Variants in PDE1C observed in about 807,000 individuals in gnomAD.
PDE1C encodes phosphodiesterase 1C.
In PDE1C, 62 loss-of-function variants were observed where a neutral mutation model predicts 93.1. The observed-to-expected ratio is 0.67, with a 90% CI of 0.54 to 0.82. The LOEUF (loss-of-function observed/expected upper bound fraction) is 0.82. PDE1C is among the 40% of genes least tolerant of loss of function. The pLI is 0.00. For missense variants in PDE1C, 742 were observed against 884.6 expected (o/e 0.84, Z 2.04); for synonymous variants, 325 against 310.1 (o/e 1.05, Z -0.50).
chr7:31,771,003 A>C lies in PDE1C; in HGVS notation c.1960+4661T>G, dbSNP rs188606344. Among the ~76,000 whole-genome samples the C allele has an allele frequency of 1.1e-4, 16 of 152,144 alleles. No homozygotes were observed. The East Asian group carries it at 3.1e-3, about 29-fold the overall frequency. On this transcript the variant is annotated intron_variant, in intron 17 of 17. Coordinates refer to ENST00000396191, the MANE Select transcript of PDE1C (RefSeq NM_001191057.4). ...ACTATATGTTTGCTTCCTTTTTTTA[A>C]ATTTCAGATTTTGAACCACTTCTTT... is the stretch of plus-strand genomic sequence containing the variant.
At chr7:32,145,787 T>A (rs1040673599) in intron 3 of PDE1C, among the ~76,000 whole-genome samples, 1 of 152,102 alleles carries the variant, frequency 6.6e-6, no homozygotes, top group Admixed American at 6.6e-5. Context: ...TTACAAACCA[T>A]ATCAGACTGA....
At chr7:31,735,971 C>T in the PDE1C span, among the ~76,000 whole-genome samples, 1 of 152,176 alleles carries the variant, frequency 6.6e-6, no homozygotes, top group Non-Finnish European at 1.5e-5. Context: ...CTCTAGAATA[C>T]TTATAATACC....
intron 7 of PDE1C, among the ~76,000 whole-genome samples, chr7:31,863,334 T>C (rs1375201777): frequency 1.3e-5 from 2 of 152,202 alleles, no homozygotes; most frequent in Non-Finnish European, 2.9e-5. Flanking sequence ...AAAAGGGCTT[T>C]ATTTTCTAAA....
At chr7:31,941,959 A>G (rs1805914013) in intron 2 of PDE1C, among the ~76,000 whole-genome samples, 1 of 152,190 alleles carries the variant, frequency 6.6e-6, no homozygotes, top group African/African-American at 2.4e-5. Flanking sequence ...CTGTAGGGAT[A>G]TTTTTAAGCA....
At chr7:32,297,226 A>G (rs577709047) in intron 1 of PDE1C, among the ~76,000 whole-genome samples, 24 of 152,174 alleles carry the variant, frequency 1.6e-4, no homozygotes, top group Non-Finnish European at 2.9e-4. Flanking sequence ...TATTGAGAAC[A>G]AAAGAGGCCC....
Position 32,275,617 on chromosome 7 carries a change from A to G in PDE1C, c.85+23034T>C, listed in dbSNP as rs538671867. Among the ~76,000 whole-genome samples, 13 of 151,514 alleles carry G rather than the reference A, an allele frequency of 8.6e-5. No homozygotes were observed. In the South Asian group the frequency reaches 1.3e-3, roughly 15 times the overall value. On this transcript the variant is annotated intron_variant, in intron 1 of 18. Coordinates refer to the PDE1C transcript ENST00000396193. ...CCAGCCTCTGTCTAAGACCTCCCCT[A>G]CCTGAAAGTTAGCAGGAACATCAGG...
At chr7:32,088,680 C>G (rs1045792114) in intron 3 of PDE1C, among the ~76,000 whole-genome samples, 2 of 152,294 alleles carry the variant, frequency 1.3e-5, no homozygotes, top group Admixed American at 6.5e-5. Context: ...CCTCTATGCA[C>G]AAGCGGTTCT....
chr7:31,774,697 T>C (rs946739984), intron 17 of PDE1C, among the ~76,000 whole-genome samples: 3 of 152,238 alleles, frequency 2.0e-5, no homozygotes, highest in African/African-American at 7.2e-5. Flanking sequence ...TTTGTTGAAG[T>C]ATTTAATAAC....
At chr7:31,889,694 T>C (rs1054198971) in intron 2 of PDE1C, among the ~76,000 whole-genome samples, 40 of 152,166 alleles carry the variant, frequency 2.6e-4, no homozygotes, top group African/African-American at 9.4e-4. Flanking sequence ...CCAAAGTGAG[T>C]GTGTCAGCTC....
rs544521841 is a variant in PDE1C at position 31,774,052 on chromosome 7, A to G, written c.1960+1612T>C. ...TGACTTGGGTGAGGGAGCTACAGAA[A>G]TTGAAGTTACAAAAGCAGGCAGACA... On this transcript the variant is annotated intron_variant, in intron 17 of 17. Transcript: ENST00000396191. 3.9e-5 allele frequency among the ~76,000 whole-genome samples: 6 copies of G among 152,342 alleles called. No individual in the cohort carries two copies. In the East Asian group the frequency reaches 1.2e-3, roughly 29 times the overall value.
the PDE1C span, chr7:31,707,085 C>T: frequency 2.3e-6 from 2 of 851,232 alleles, no homozygotes; most frequent in Non-Finnish European, 3.6e-6. Context: ...TAGCAGGTAA[C>T]CTTGTAGACA....
chr7:31,906,055 C>T (rs1438561266), intron 2 of PDE1C, among the ~76,000 whole-genome samples: 1 of 152,146 alleles, frequency 6.6e-6, no homozygotes, highest in South Asian at 2.1e-4. Context: ...GTCAATTATA[C>T]CTCTTTCCTT....
intron 16 of PDE1C, among the ~76,000 whole-genome samples, chr7:31,777,359 C>T (rs1024276191): frequency 5.3e-5 from 8 of 151,914 alleles, no homozygotes; most frequent in African/African-American, 1.7e-4. Context: ...GATGGAGTCT[C>T]GCTCTGTTGC....
At chr7:31,988,477 C>A (rs1215865473) in intron 2 of PDE1C, among the ~76,000 whole-genome samples, 2 of 152,258 alleles carry the variant, frequency 1.3e-5, no homozygotes, top group East Asian at 3.8e-4. Flanking sequence ...TCTGCCTTAT[C>A]CTTCAAGAAT....
chr7:31,673,022 CA>C, the PDE1C span, among the ~76,000 whole-genome samples: 4 of 152,180 alleles, frequency 2.6e-5, no homozygotes, highest in African/African-American at 9.6e-5. Flanking sequence ...CTTTGCCTTG[CA>C]CCATGAATGT....
chr7:31,890,109 C>T (rs1304458904), intron 2 of PDE1C, among the ~76,000 whole-genome samples: 1 of 152,142 alleles, frequency 6.6e-6, no homozygotes, highest in African/African-American at 2.4e-5. Context: ...TGAAAACCCA[C>T]TTGTTCTTCT....
intron 1 of PDE1C, among the ~76,000 whole-genome samples, chr7:32,420,148 C>T (rs766467274): frequency 0.014 from 576 of 40,336 alleles, 12 homozygotes; most frequent in Non-Finnish European, 0.019. Flanking sequence ...CACACACACA[C>T]ACACACACAC....
chr7:32,309,134 G>A (rs1813100887), intron 1 of PDE1C, among the ~76,000 whole-genome samples: 1 of 152,306 alleles, frequency 6.6e-6, no homozygotes, highest in South Asian at 2.1e-4. Context: ...CAATCAACTG[G>A]AAGAAAGGAT....
chr7:31,861,253 T>G (rs1794663130), intron 7 of PDE1C, among the ~76,000 whole-genome samples: 1 of 152,202 alleles, frequency 6.6e-6, no homozygotes. Context: ...GGCCACTCTT[T>G]TTTAGTTTCT....
Sources: gnomAD v4.1 joint callset for allele counts (sites outside exome capture counted in the v4.1 genomes callset) on GRCh38, gnomAD v4.1.1 for gene constraint, MANE v1.5 for transcripts, NCBI Gene and HGNC (gene_info 2026-07-23, HGNC 2026-07-21) for gene names.